Variants in ANKRD30BL observed in about 807,000 individuals in gnomAD.
The protein encoded by ANKRD30BL is ankyrin repeat domain 30B like.
In ANKRD30BL, 20 loss-of-function variants were observed where a neutral mutation model predicts 18.4. That is an observed-to-expected ratio of 1.09 (90% confidence interval 0.77 to 1.58). The LOEUF (loss-of-function observed/expected upper bound fraction) is 1.58. ANKRD30BL is among the 40% of genes most tolerant of loss of function. ANKRD30BL has a pLI of 0.00. For synonymous variants in ANKRD30BL, 72 were observed against 100.9 expected (o/e 0.71, Z 1.72); for missense variants, 224 against 268.6 (o/e 0.83, Z 1.16).
chr2:132,182,833 C>T (rs80321014), intron 1 of ANKRD30BL, among the ~76,000 whole-genome samples: 1 of 152,128 alleles, frequency 6.6e-6, no homozygotes, highest in Non-Finnish European at 1.5e-5. Context: ...GAAGGTACCA[C>T]ATTTATTCAT....
intron 1 of ANKRD30BL, among the ~76,000 whole-genome samples, chr2:132,174,464 A>G (rs1375575523): frequency 6.6e-6 from 1 of 152,172 alleles, no homozygotes; most frequent in African/African-American, 2.4e-5. Flanking sequence ...CATCATACCC[A>G]GTAGGGTGAC....
chr2:132,169,644 TAA>T (rs60507906), intron 1 of ANKRD30BL, among the ~76,000 whole-genome samples: 2 of 90,880 alleles, frequency 2.2e-5, no homozygotes, highest in Non-Finnish European at 2.1e-5. Context: ...ATACTCTGTC[TAA>T]AAAAAAAAAA....
At chr2:132,222,425 C>T (rs1035248141) in intron 1 of ANKRD30BL, among the ~76,000 whole-genome samples, 4 of 151,956 alleles carry the variant, frequency 2.6e-5, no homozygotes, top group African/African-American at 9.7e-5. Flanking sequence ...ATTGAGAAAT[C>T]GGATGGTTGC....
chr2:132,201,531 A>T (rs1304364542), intron 1 of ANKRD30BL, among the ~76,000 whole-genome samples: 1 of 152,264 alleles, frequency 6.6e-6, no homozygotes, highest in Non-Finnish European at 1.5e-5. Context: ...GGCAAAAAAC[A>T]CATGAAAAAA....
intron 1 of ANKRD30BL, among the ~76,000 whole-genome samples, chr2:132,223,875 T>C (rs535433904): frequency 1.3e-5 from 2 of 152,176 alleles, no homozygotes; most frequent in African/African-American, 4.8e-5. Flanking sequence ...AAATACTTTA[T>C]CATAGAGCAG....
chr2:132,182,967 G>T (rs1346339580), intron 1 of ANKRD30BL, among the ~76,000 whole-genome samples: 2 of 151,930 alleles, frequency 1.3e-5, no homozygotes, highest in African/African-American at 4.8e-5. Context: ...ATATTTGAAA[G>T]ATTTTTATTG....
chr2:132,161,632 A>G lies in ANKRD30BL; in HGVS notation c.74T>C (p.Val25Ala). ...PERPSPFSQL[V>A]YTNNDSYVIH... ...CACGTAAGAGTCGTTGTTGGTGTAGACCAGCTGACTGAAGGGGCTCGGGCG... is the reference window on the plus strand; with the variant it reads ...CACGTAAGAGTCGTTGTTGGTGTAGGCCAGCTGACTGAAGGGGCTCGGGCG... The change falls in exon 1 of 6, where the codon GTC (valine) becomes GCC (alanine). Residue 25 changes from valine to alanine, a missense_variant. Around this residue, in one of 3 missense-constraint regions of ANKRD30BL, gnomAD observed 131 missense variants for 128.8 expected, o/e 1.02. Transcript: ENST00000409867. 1 of 1,452,580 alleles carries G rather than the reference A, an allele frequency of 6.9e-7. No homozygotes were observed. The highest frequency in any genetic ancestry group is 9.4e-7 in the Non-Finnish European group (1 of 1,059,668). 90.0% of individuals were successfully genotyped at this position (1,452,580 alleles called of 1,614,324 possible). A position where few individuals can be genotyped will look rare whatever the true frequency, so the allele number is the denominator to read the frequency against.
At chr2:132,248,105 G>A (rs150740940) in intron 1 of ANKRD30BL, among the ~76,000 whole-genome samples, 1 of 151,268 alleles carries the variant, frequency 6.6e-6, no homozygotes, top group African/African-American at 2.4e-5. Context: ...GAAGACATTT[G>A]TTTTTCACCA....
At chr2:132,231,557 C>T (rs537061344) in intron 1 of ANKRD30BL, among the ~76,000 whole-genome samples, 39 of 152,274 alleles carry the variant, frequency 2.6e-4, no homozygotes, top group South Asian at 2.3e-3. Context: ...GTTCCCTTTC[C>T]GAGTCAAAGA....
At chr2:132,162,083 C>A (rs1355672779), upstream of ANKRD30BL, 2 of 193,776 alleles carry the variant, frequency 1.0e-5, no homozygotes, top group Non-Finnish European at 2.1e-5. Flanking sequence ...GGCGGGGCTC[C>A]CTGGAGCGGA....
intron 1 of ANKRD30BL, among the ~76,000 whole-genome samples, chr2:132,215,383 G>C (rs1230223375): frequency 2.0e-5 from 3 of 152,146 alleles, no homozygotes; most frequent in African/African-American, 4.8e-5. Context: ...GAAGCATTCT[G>C]ACAAACCTAT....
chr2:132,222,832 T>TTAAAAAAAAAAA (rs559303905), intron 1 of ANKRD30BL, among the ~76,000 whole-genome samples: 1 of 52,808 alleles, frequency 1.9e-5, no homozygotes, highest in Non-Finnish European at 3.8e-5. Flanking sequence ...GAATGATCAA[T>TTAAAAAAAAAAA]AAAAAAAAAA....
At chr2:132,169,639 C>G (rs1364987144) in intron 1 of ANKRD30BL, among the ~76,000 whole-genome samples, 1 of 97,894 alleles carries the variant, frequency 1.0e-5, no homozygotes, top group Non-Finnish European at 1.8e-5. Context: ...CAGGGATACT[C>G]TGTCTAAAAA....
rs562695284 is a variant in ANKRD30BL, at chr2:132,216,729, C to T, written n.441+40800G>A. ...AAAACCTATACAGAAGCATTGAGGC[C>T]TTCATTGGAATCGGGTACATCTTCA... On this transcript the variant is annotated intron_variant and non_coding_transcript_variant, in intron 1 of 4. Transcript: ENST00000470729. 4.7e-4 allele frequency among the ~76,000 whole-genome samples: 71 copies of T among 151,678 alleles called. 1 individual carries two copies. The South Asian group carries it at 4.8e-3, about 10-fold the overall frequency.
chr2:132,254,054 C>A lies in ANKRD30BL; in HGVS notation n.441+3475G>T, dbSNP rs928274309. Among the ~76,000 whole-genome samples, 4 of 149,866 alleles carry A rather than the reference C, an allele frequency of 2.7e-5. No homozygotes were observed. In the East Asian group the frequency reaches 6.1e-4, roughly 23 times the overall value. ...CCCCACCCCACCGTGACGCCGAGAA[C>A]CACCCCCGCGCCCACCGACACACAC... On this transcript the variant is annotated intron_variant and non_coding_transcript_variant, in intron 1 of 4. Coordinates refer to the ANKRD30BL transcript ENST00000470729.
intron 4 of ANKRD30BL, among the ~76,000 whole-genome samples, chr2:132,152,978 T>C (rs1687798730): frequency 6.6e-6 from 1 of 152,172 alleles, no homozygotes. Flanking sequence ...ACGTGAACTT[T>C]AAAAACATGC....
At chr2:132,184,960 A>C (rs796520418) in intron 1 of ANKRD30BL, among the ~76,000 whole-genome samples, 12 of 151,996 alleles carry the variant, frequency 7.9e-5, no homozygotes, top group Admixed American at 6.6e-4. Flanking sequence ...CTACAGGTGC[A>C]TGCCACCATG....
chr2:132,148,527 G>A (rs1687675176), intron 5 of ANKRD30BL, among the ~76,000 whole-genome samples: 1 of 151,384 alleles, frequency 6.6e-6, no homozygotes, highest in South Asian at 2.1e-4. Context: ...ATGCCACCCA[G>A]GCCCAGCTAA....
At chr2:132,152,666 G>A (rs532352855) in intron 4 of ANKRD30BL, 6 of 152,060 alleles carry the variant, frequency 3.9e-5, no homozygotes, top group Admixed American at 1.3e-4. Context: ...AAGGGCCAGG[G>A]ATATAGATCT....
Sources: allele counts gnomAD v4.1 joint callset (sites outside exome capture counted in the v4.1 genomes callset), GRCh38; gene constraint gnomAD v4.1.1; regional missense constraint gnomAD v4.1.1; transcripts MANE v1.5; gene names NCBI Gene and HGNC (gene_info 2026-07-23, HGNC 2026-07-21).